Variants in PRH1 observed in about 807,000 individuals in gnomAD.
PRH1 encodes the protein proline rich protein HaeIII subfamily 1, also known as salivary acidic proline-rich phosphoprotein 1/2.
A neutral mutation model predicts 7.9 loss-of-function variants in PRH1; 7 were observed. The ratio of observed to expected loss-of-function variants is 0.89; its 90% CI spans 0.50 to 1.67. The LOEUF (loss-of-function observed/expected upper bound fraction) is 1.67. PRH1 is among the 40% of genes most tolerant of loss of function. The probability of loss-of-function intolerance (pLI) is 0.00; values close to 1 mark genes in which losing one functional copy is unlikely to be tolerated. For synonymous variants in PRH1, 45 were observed against 80.8 expected (o/e 0.56, Z 2.38); for missense variants, 109 against 223.6 (o/e 0.49, Z 3.27).
At chr12:11,067,422 A>G (rs534844070) in intron 1 of PRH1, among the ~76,000 whole-genome samples, 2 of 137,550 alleles carry the variant, frequency 1.5e-5, no homozygotes, top group East Asian at 4.0e-4. Flanking sequence ...TGACATGTGT[A>G]TTATAAATAA....
chr12:11,133,268 C>T (rs1946426779), intron 1 of PRH1: 2 of 1,583,038 alleles, frequency 1.3e-6, no homozygotes, highest in South Asian at 2.4e-5. Context: ...TTTCATACAC[C>T]ACCAGTTTGT....
At chr12:10,952,728 C>T (rs957663010) in intron 2 of PRH1, among the ~76,000 whole-genome samples, 6 of 152,254 alleles carry the variant, frequency 3.9e-5, no homozygotes, top group Non-Finnish European at 7.4e-5. Context: ...TATCCACATG[C>T]ATAAAGATGA....
chr12:11,060,832 A>G (rs763872861), intron 1 of PRH1, among the ~76,000 whole-genome samples: 9 of 152,266 alleles, frequency 5.9e-5, no homozygotes, highest in Admixed American at 2.6e-4. Flanking sequence ...ATAATGGAAT[A>G]AAACCTCAAA....
intron 2 of PRH1, among the ~76,000 whole-genome samples, chr12:10,949,171 T>A (rs118123467): frequency 1.3e-5 from 2 of 152,194 alleles, no homozygotes; most frequent in African/African-American, 2.4e-5. Context: ...TTAGTAGTGG[T>A]TGTGGCCAAG....
chr12:11,140,045 C>A (rs557325460), intron 1 of PRH1, among the ~76,000 whole-genome samples: 1 of 151,912 alleles, frequency 6.6e-6, no homozygotes, highest in East Asian at 1.9e-4. Flanking sequence ...ATTTCATATA[C>A]ATTTATTAAT....
chr12:10,884,060 C>T lies in PRH1; in HGVS notation c.64+94G>A, dbSNP rs1949452005. 8.8e-6 allele frequency: 13 copies of T among 1,485,514 alleles called. No individual in the cohort carries two copies. In the South Asian group the frequency reaches 1.3e-4, roughly 15 times the overall value. 92.0% of individuals were successfully genotyped at this position (1,485,514 alleles called of 1,614,324 possible). On this transcript the variant is annotated intron_variant, in intron 1 of 3. Transcript: ENST00000543626. Reference sequence around the variant, plus strand: ...AGAACTCTGCAGTCCCATCTGTTTTCTCATCCTCCTCTCTTCCCTCCACTT... The same window carrying T: ...AGAACTCTGCAGTCCCATCTGTTTTTTCATCCTCCTCTCTTCCCTCCACTT...
chr12:11,081,540 A>G (rs1296567007), intron 1 of PRH1, among the ~76,000 whole-genome samples: 1 of 116,054 alleles, frequency 8.6e-6, no homozygotes, highest in Non-Finnish European at 2.0e-5. Flanking sequence ...TTTACCTTCA[A>G]TTTGAAAGAA....
intron 1 of PRH1, among the ~76,000 whole-genome samples, chr12:11,063,963 C>T (rs1283100777): frequency 6.6e-6 from 1 of 151,938 alleles, no homozygotes; most frequent in Non-Finnish European, 1.5e-5. Context: ...CCTAATTAAA[C>T]ATTTTACATT....
intron 1 of PRH1, among the ~76,000 whole-genome samples, chr12:11,023,732 G>C (rs1591831247): frequency 6.6e-6 from 1 of 152,218 alleles, no homozygotes; most frequent in Non-Finnish European, 1.5e-5. Context: ...AATGGAGTCA[G>C]AATGCCACTG....
At chr12:11,079,879 G>C in intron 1 of PRH1, among the ~76,000 whole-genome samples, 1 of 117,014 alleles carries the variant, frequency 8.5e-6, no homozygotes, top group Non-Finnish European at 2.0e-5. Context: ...TATATAATGA[G>C]CAGAGTAATA....
Position 10,914,307 on chromosome 12 carries a change from C to G in PRH1, c.-58-30032G>C, listed in dbSNP as rs1049417173. Among the ~76,000 whole-genome samples, 6 of 152,044 alleles carry G rather than the reference C, an allele frequency of 3.9e-5. No homozygotes were observed. The East Asian group carries it at 7.7e-4, about 20-fold the overall frequency. ...TAAATAGCAAACAGAGGGAGATGCT[C>G]TAAAAGAAAATGATATTTATTTGGG... On this transcript the variant is annotated intron_variant, in intron 2 of 3. Coordinates refer to the PRH1 transcript ENST00000539853.
rs1229108221 is a variant in PRH1, at chr12:11,094,175, G to A, written n.124-46987C>T. Among the ~76,000 whole-genome samples, 4 of 111,202 alleles carry A rather than the reference G, an allele frequency of 3.6e-5. 2 individuals are homozygous for A. Among genetic ancestry groups the A allele is most frequent in the Non-Finnish European group, 8.4e-5 (4 of 47,562 alleles). The allele number at this position is 111,202 out of a possible 152,430, so 73.0% of individuals were successfully genotyped here. A position where few individuals can be genotyped will look rare whatever the true frequency, so the allele number is the denominator to read the frequency against. The stretch of plus-strand genomic sequence containing the variant: ...AAATTAGCAGGGCATGGTGGTGTGG[G>A]CCTGTAGCCCCAGCTACTCAGGAGG... On this transcript the variant is annotated intron_variant and non_coding_transcript_variant, in intron 1 of 4. Transcript: ENST00000541977.
At chr12:11,130,561 C>A (rs1428622901) in intron 1 of PRH1, among the ~76,000 whole-genome samples, 1 of 152,198 alleles carries the variant, frequency 6.6e-6, no homozygotes, top group Non-Finnish European at 1.5e-5. Context: ...AGGCTCTGGT[C>A]CAGGCTGCTC....
intron 1 of PRH1, among the ~76,000 whole-genome samples, chr12:11,149,399 C>A (rs1379038532): frequency 4.0e-5 from 6 of 151,532 alleles, no homozygotes; most frequent in African/African-American, 2.4e-5. Context: ...GGAGGCATCA[C>A]GCTACCTGAC....
At chr12:11,040,270 T>C (rs1233256639) in intron 1 of PRH1, among the ~76,000 whole-genome samples, 5 of 152,206 alleles carry the variant, frequency 3.3e-5, no homozygotes, top group Non-Finnish European at 5.9e-5. Flanking sequence ...AGTATAATTG[T>C]TTCTAAGAGA....
intron 2 of PRH1, among the ~76,000 whole-genome samples, chr12:10,970,333 T>A (rs1048648330): frequency 2.6e-5 from 4 of 152,132 alleles, no homozygotes; most frequent in African/African-American, 7.2e-5. Context: ...TAAGGATAAA[T>A]TTAGGGATAA....
chr12:11,160,814 A>G (rs550871106), intron 1 of PRH1, among the ~76,000 whole-genome samples: 1 of 152,294 alleles, frequency 6.6e-6, no homozygotes, highest in South Asian at 2.1e-4. Flanking sequence ...AAAAGAACTA[A>G]TATTCAAGAC....
At chr12:10,987,829 T>C (rs921724527) in intron 1 of PRH1, among the ~76,000 whole-genome samples, 8 of 152,180 alleles carry the variant, frequency 5.3e-5, no homozygotes, top group African/African-American at 1.9e-4. Flanking sequence ...TAAATATTCC[T>C]GAGTACCACA....
chr12:10,939,391 A>C, intron 2 of PRH1: 1 of 489,890 alleles, frequency 2.0e-6, no homozygotes, highest in Non-Finnish European at 3.5e-6. Context: ...CTTCATAAAA[A>C]TCTCTGTATT....
Sources: gnomAD v4.1 joint callset for allele counts (sites outside exome capture counted in the v4.1 genomes callset) on GRCh38, gnomAD v4.1.1 for gene constraint, MANE v1.5 for transcripts, NCBI Gene and HGNC (gene_info 2026-07-23, HGNC 2026-07-21) for gene names.